Variants in FAM135B observed in about 807,000 individuals in gnomAD.
FAM135B encodes protein FAM135B.
FAM135B carries 43 observed loss-of-function variants against 127.7 expected under a neutral mutation model. The observed-to-expected ratio is 0.34, with a 90% CI of 0.26 to 0.43. The LOEUF (loss-of-function observed/expected upper bound fraction) is 0.43, where lower values mean the gene tolerates loss of function less well. FAM135B is among the 20% of genes least tolerant of loss of function. FAM135B has a pLI of 1.00. For missense variants in FAM135B, 1,558 were observed against 1,725.6 expected (o/e 0.90, Z 1.72); for synonymous variants, 670 against 665.1 (o/e 1.01, Z -0.11).
At chr8:138,481,909 T>A (rs951049992) in intron 1 of FAM135B, among the ~76,000 whole-genome samples, 3 of 152,184 alleles carry the variant, frequency 2.0e-5, no homozygotes, top group African/African-American at 7.2e-5. Flanking sequence ...AAGAAATGAT[T>A]GGAATAGTCA....
chr8:138,449,976 A>G (rs1836401765), intron 1 of FAM135B, among the ~76,000 whole-genome samples: 1 of 152,202 alleles, frequency 6.6e-6, no homozygotes, highest in African/African-American at 2.4e-5. Context: ...TTATGGTATC[A>G]TACAGAGTAG....
intron 2 of FAM135B, among the ~76,000 whole-genome samples, chr8:138,359,032 GA>G (rs917735390): frequency 1.0e-4 from 15 of 149,854 alleles, no homozygotes; most frequent in South Asian, 8.4e-4. Context: ...GGTAAATTGA[GA>G]AAAAAAAATA....
intron 1 of FAM135B, among the ~76,000 whole-genome samples, chr8:138,375,301 G>A (rs546285540): frequency 6.6e-6 from 1 of 152,250 alleles, no homozygotes; most frequent in Non-Finnish European, 1.5e-5. Flanking sequence ...TACAAAAATT[G>A]TCTAGATTTA....
intron 2 of FAM135B, among the ~76,000 whole-genome samples, chr8:138,352,886 A>G (rs542568363): frequency 1.4e-4 from 22 of 152,314 alleles, no homozygotes; most frequent in Admixed American, 6.5e-4. Flanking sequence ...TTTGGAGTGC[A>G]GTAGGAACTT....
At chr8:138,420,706 G>A (rs1834442337) in intron 1 of FAM135B, among the ~76,000 whole-genome samples, 2 of 151,794 alleles carry the variant, frequency 1.3e-5, no homozygotes, top group East Asian at 3.9e-4. Flanking sequence ...ACCAATAAAT[G>A]AGATTCATCA....
rs1586547421 is a variant in FAM135B at position 138,130,511 on chromosome 8, C to T, written c.*2082G>A. On this transcript the variant is annotated 3_prime_UTR_variant, in exon 20 of 20. Coordinates refer to ENST00000395297, the MANE Select transcript of FAM135B (RefSeq NM_015912.4). ...TCTGGTTATTGGAGAAGATGATGAT[C>T]ATCAGATTCATCCCGGCTCCATAAC... The T allele has an allele frequency of 6.6e-6, 1 of 152,158 alleles. No homozygotes were observed. The highest frequency in any genetic ancestry group is 1.9e-4 in the East Asian group (1 of 5,192). 9.4% of individuals were successfully genotyped at this position (152,158 alleles called of 1,614,324 possible).
At chr8:138,199,171 A>T (rs1816908103) in intron 7 of FAM135B, among the ~76,000 whole-genome samples, 1 of 152,168 alleles carries the variant, frequency 6.6e-6, no homozygotes, top group African/African-American at 2.4e-5. Context: ...ACGTCTGTAC[A>T]TCATCTGCAC....
At chr8:138,484,254 T>G (rs1199585576) in intron 1 of FAM135B, among the ~76,000 whole-genome samples, 1 of 152,214 alleles carries the variant, frequency 6.6e-6, no homozygotes, top group African/African-American at 2.4e-5. Flanking sequence ...CTCTAGTCCT[T>G]TCTCAAGTTC....
At chr8:138,260,397 T>C (rs543329143) in intron 4 of FAM135B, among the ~76,000 whole-genome samples, 1 of 152,256 alleles carries the variant, frequency 6.6e-6, no homozygotes, top group South Asian at 2.1e-4. Flanking sequence ...ATCACGGGCT[T>C]GCAGGAACAG....
In FAM135B at chr8:138,139,095, G is replaced by A. The variant is rs1816906909; in HGVS notation, c.3792C>T (p.Gly1264=). The part of the protein sequence containing the change: ...LYNNSTLVST[G]LWLMQKLKKS... ...TCTTCAGTTTCTGCATGAGCCATAA[G>A]CCTAGGAAGACAAAAACAAAATAAA... Residue 1264 remains glycine (G), a splice_region_variant and synonymous_variant, in exon 18 of 20, where the codon GGC becomes GGT. Coordinates refer to ENST00000395297, the MANE Select transcript of FAM135B (RefSeq NM_015912.4). 6.3e-7 allele frequency: 1 copy of A among 1,592,722 alleles called. No homozygotes were observed. The highest frequency in any genetic ancestry group is 1.1e-5 in the South Asian group (1 of 89,652).
In FAM135B at chr8:138,153,015, G is replaced by A. The variant is rs762951590; in HGVS notation, c.1460C>T (p.Ala487Val). ...GCACATGTCCATATGATTTTGTGTG[G>A]CCACATTCTCACCTGGCTCTGGACA... ...IRCPEPGENV[A>V]TQNHMDMCSE... Residue 487 changes from alanine to valine, a missense_variant, in exon 13 of 20, where the codon GCC becomes GTC. By Grantham distance (64) the Ala-to-Val change is moderately conservative. Transcript: ENST00000395297. The A allele has an allele frequency of 6.2e-7, 1 of 1,613,994 alleles. No homozygotes were observed. Among genetic ancestry groups the A allele is most frequent in the Non-Finnish European group, 8.5e-7 (1 of 1,180,034 alleles).
intron 1 of FAM135B, among the ~76,000 whole-genome samples, chr8:138,446,386 G>T (rs990422538): frequency 1.3e-5 from 2 of 151,972 alleles, no homozygotes; most frequent in South Asian, 2.1e-4. Flanking sequence ...GAGGCATCAC[G>T]CTACCTGACT....
intron 1 of FAM135B, among the ~76,000 whole-genome samples, chr8:138,426,012 T>TAC (rs1176390520): frequency 6.7e-5 from 1 of 14,974 alleles, no homozygotes; most frequent in Non-Finnish European, 1.2e-4. Flanking sequence ...TATATATATA[T>TAC]ACACACACAT....
Position 138,242,824 on chromosome 8 carries a change from G to T in FAM135B, c.669+118C>A. 2 of 1,371,440 alleles carry T rather than the reference G, an allele frequency of 1.5e-6. No homozygotes were observed. Among genetic ancestry groups the T allele is most frequent in the Non-Finnish European group, 2.0e-6 (2 of 1,025,196 alleles). The allele number at this position is 1,371,440 out of a possible 1,614,324, so 85.0% of individuals were successfully genotyped here. ...GGGTGGGAAGATGGTGAAAGGAAGGGTCAAATTAGCAAAAATCTCTGAAGG... is the reference window on the plus strand; with the variant it reads ...GGGTGGGAAGATGGTGAAAGGAAGGTTCAAATTAGCAAAAATCTCTGAAGG... On this transcript the variant is annotated intron_variant, in intron 7 of 19. Coordinates refer to ENST00000395297, the MANE Select transcript of FAM135B (RefSeq NM_015912.4). This position sits in a 1 kb window ranked among gnomAD's most constrained non-coding sequence, Gnocchi z 9.6.
chr8:138,272,328 G>A (rs1823448322), intron 3 of FAM135B, among the ~76,000 whole-genome samples: 1 of 152,074 alleles, frequency 6.6e-6, no homozygotes, highest in African/African-American at 2.4e-5. Flanking sequence ...TATGACTTTT[G>A]GAAGTTACCC....
chr8:138,411,472 T>C lies in FAM135B; in HGVS notation c.-19-43470A>G, dbSNP rs566072916. On this transcript the variant is annotated intron_variant, in intron 1 of 19. Coordinates refer to ENST00000395297, the MANE Select transcript of FAM135B (RefSeq NM_015912.4). ...AACTGGATCCCTTCCTTACACCTTA[T>C]ACGAAAATCAATTCAAGATGGATTA... Among the ~76,000 whole-genome samples, 1,437 of 152,144 alleles carry C rather than the reference T, an allele frequency of 9.4e-3. 19 individuals carry two copies. The highest frequency in any genetic ancestry group is 0.033 in the African/African-American group (1,373 of 41,464).
chr8:138,218,751 A>ACG lies in FAM135B; in HGVS notation c.670-21084_670-21083dup, dbSNP rs1231675384. ...AATGCCCTGCTCCTCCCAAACTTAC[A>ACG]CGCACACACACACACAGAGAGAGAG... is the stretch of plus-strand genomic sequence containing the variant. On this transcript the variant is annotated intron_variant, in intron 7 of 19. Transcript: ENST00000395297. Among the ~76,000 whole-genome samples, 14 of 57,692 alleles carry ACG rather than the reference A, an allele frequency of 2.4e-4. No individual in the cohort carries two copies. In the East Asian group the frequency reaches 3.0e-3, roughly 12 times the overall value. The allele number at this position is 57,692 out of a possible 152,430, so 37.8% of individuals were successfully genotyped here. A position where few individuals can be genotyped will look rare whatever the true frequency, so the allele number is the denominator to read the frequency against.
At chr8:138,361,203 G>A (rs1367142647) in intron 2 of FAM135B, among the ~76,000 whole-genome samples, 2 of 152,144 alleles carry the variant, frequency 1.3e-5, no homozygotes, top group African/African-American at 4.8e-5. Context: ...TGGGATTACA[G>A]GTGTGAGCCA....
intron 2 of FAM135B, among the ~76,000 whole-genome samples, chr8:138,351,492 T>TA (rs1379704979): frequency 6.6e-6 from 1 of 152,000 alleles, no homozygotes; most frequent in Non-Finnish European, 1.5e-5. Context: ...GAAGCCAGGA[T>TA]AAAGGCATGG....
Sources: allele counts gnomAD v4.1 joint callset (sites outside exome capture counted in the v4.1 genomes callset), GRCh38; gene constraint gnomAD v4.1.1; non-coding constraint Gnocchi (gnomAD v3.1); transcripts MANE v1.5; gene names NCBI Gene and HGNC (gene_info 2026-07-23, HGNC 2026-07-21).